Variants in CSGALNACT1 observed in about 807,000 individuals in gnomAD.
The protein encoded by CSGALNACT1 is beta4GalNAcT-1.
A neutral mutation model predicts 51.0 loss-of-function variants in CSGALNACT1; 52 were observed. That is an observed-to-expected ratio of 1.02 (90% confidence interval 0.82 to 1.29). The LOEUF is 1.29. CSGALNACT1 is among the 50% of genes most tolerant of loss of function. CSGALNACT1 has a pLI of 0.00. For synonymous variants in CSGALNACT1, 341 were observed against 254.4 expected (o/e 1.34, Z -3.24); for missense variants, 935 against 679.2 (o/e 1.38, Z -4.19).
rs766636527 is a variant in CSGALNACT1, at chr8:19,757,445, C to G, written c.-297+405G>C. 1 of 152,442 alleles carries G rather than the reference C, an allele frequency of 6.6e-6. No individual in the cohort carries two copies. The highest frequency in any genetic ancestry group is 6.6e-5 in the Admixed American group (1 of 15,250). The allele number at this position is 152,442 out of a possible 1,614,324, so 9.4% of individuals were successfully genotyped here. On this transcript the variant is annotated intron_variant, in intron 1 of 1. Coordinates refer to the CSGALNACT1 transcript ENST00000517494. The surrounding 1 kb of genome is among the most constrained non-coding windows in gnomAD (Gnocchi z 4.0). ...GCCGGGCTGGGGTCGCGGTTGGCCG[C>G]GTACCTCCGCGTCACCCACGGCCTC...
At chr8:19,481,287 C>G (rs1212013119) in intron 4 of CSGALNACT1, among the ~76,000 whole-genome samples, 2 of 152,126 alleles carry the variant, frequency 1.3e-5, no homozygotes, top group African/African-American at 2.4e-5. Flanking sequence ...GCCCCATACT[C>G]CTGGTTGGCA....
intron 1 of CSGALNACT1, among the ~76,000 whole-genome samples, chr8:19,717,430 T>C (rs2062871558): frequency 6.6e-6 from 1 of 152,126 alleles, no homozygotes; most frequent in African/African-American, 2.4e-5. Context: ...CTTAGGAAGG[T>C]GGTAGACAAG....
chr8:19,562,128 AC>A (rs1277620680), intron 3 of CSGALNACT1, among the ~76,000 whole-genome samples: 1 of 151,900 alleles, frequency 6.6e-6, no homozygotes, highest in Non-Finnish European at 1.5e-5. Flanking sequence ...CCATCCTGCC[AC>A]CCCCACAGAC....
At chr8:19,508,602 G>T (rs1020370599) in intron 3 of CSGALNACT1, among the ~76,000 whole-genome samples, 2 of 151,982 alleles carry the variant, frequency 1.3e-5, no homozygotes, top group African/African-American at 4.8e-5. Context: ...TTATATCCAA[G>T]AATTAAATTA....
chr8:19,611,922 A>G (rs2052323935), intron 1 of CSGALNACT1, among the ~76,000 whole-genome samples: 1 of 151,880 alleles, frequency 6.6e-6, no homozygotes, highest in African/African-American at 2.4e-5. Context: ...TCCTGCTTGG[A>G]TCTGTTGCCT....
At chr8:19,571,158 T>C (rs1024210096) in intron 3 of CSGALNACT1, among the ~76,000 whole-genome samples, 4 of 152,180 alleles carry the variant, frequency 2.6e-5, no homozygotes, top group East Asian at 1.9e-4. Flanking sequence ...TTTGTAAAGA[T>C]GAGGTTTTGC....
intron 1 of CSGALNACT1, among the ~76,000 whole-genome samples, chr8:19,620,173 G>A (rs1380662888): frequency 6.6e-6 from 1 of 151,940 alleles, no homozygotes; most frequent in East Asian, 1.9e-4. Flanking sequence ...AAATTAGCCA[G>A]GAGTTGAGGT....
chr8:19,479,086 T>G (rs756703890), intron 4 of CSGALNACT1, among the ~76,000 whole-genome samples: 14 of 152,246 alleles, frequency 9.2e-5, no homozygotes, highest in Non-Finnish European at 1.6e-4. Context: ...ACTGCTATTA[T>G]GATACATGCA....
At chr8:19,474,911 A>G (rs528323428) in intron 4 of CSGALNACT1, among the ~76,000 whole-genome samples, 1 of 150,876 alleles carries the variant, frequency 6.6e-6, no homozygotes, top group East Asian at 2.0e-4. Flanking sequence ...AGCAACTTCC[A>G]TTTTTGGTAA....
chr8:19,659,085 C>T (rs1357916864), intron 1 of CSGALNACT1, among the ~76,000 whole-genome samples: 1 of 149,914 alleles, frequency 6.7e-6, no homozygotes, highest in African/African-American at 2.4e-5. Context: ...CACCACCTTA[C>T]ATGTCTTTAC....
At chr8:19,735,995 TC>T in intron 1 of CSGALNACT1, among the ~76,000 whole-genome samples, 1 of 152,332 alleles carries the variant, frequency 6.6e-6, no homozygotes, top group South Asian at 2.1e-4. Context: ...TATGGGTATT[TC>T]ACATTCAATC....
intron 1 of CSGALNACT1, among the ~76,000 whole-genome samples, chr8:19,755,159 T>C (rs1361587195): frequency 6.6e-6 from 1 of 152,176 alleles, no homozygotes; most frequent in Non-Finnish European, 1.5e-5. Flanking sequence ...TTCTTTTTAA[T>C]GTAATAACAT....
intron 4 of CSGALNACT1, among the ~76,000 whole-genome samples, chr8:19,484,869 G>C (rs1419046142): frequency 6.6e-6 from 1 of 152,130 alleles, no homozygotes; most frequent in East Asian, 1.9e-4. Context: ...ACACAGGAGA[G>C]ACACCAGAGA....
chr8:19,596,810 T>A (rs576483770), intron 2 of CSGALNACT1, among the ~76,000 whole-genome samples: 3 of 152,200 alleles, frequency 2.0e-5, no homozygotes, highest in Non-Finnish European at 4.4e-5. Context: ...CACTTTGACT[T>A]TTTATTTTTA....
chr8:19,638,690 C>A (rs376765794), intron 1 of CSGALNACT1, among the ~76,000 whole-genome samples: 5 of 152,034 alleles, frequency 3.3e-5, no homozygotes, highest in South Asian at 4.1e-4. Flanking sequence ...TAAGTGAGAA[C>A]AGAACGGGAA....
At chr8:19,526,456 G>A (rs1441021397) in intron 3 of CSGALNACT1, among the ~76,000 whole-genome samples, 2 of 152,136 alleles carry the variant, frequency 1.3e-5, no homozygotes, top group African/African-American at 2.4e-5. Context: ...GGTGGTACGC[G>A]CCTGTAGTGC....
At chr8:19,437,624 T>C (rs1467580020) in intron 6 of CSGALNACT1, among the ~76,000 whole-genome samples, 1 of 152,220 alleles carries the variant, frequency 6.6e-6, no homozygotes, top group Non-Finnish European at 1.5e-5. Context: ...TTATTTATTT[T>C]ATTCCCTATG....
chr8:19,604,656 C>T (rs1411929674), upstream of CSGALNACT1, among the ~76,000 whole-genome samples: 1 of 151,586 alleles, frequency 6.6e-6, no homozygotes, highest in Non-Finnish European at 1.5e-5. Flanking sequence ...GCGTGTAATC[C>T]CAGCACTTTG....
rs374995267 is a variant in CSGALNACT1 at position 19,536,798 on chromosome 8, G to C, written c.-296-30668C>G. ...AGCAGTTGAGACTGGCAGAAGTAGT[G>C]GCAGAGAGATAGATATACAGAACAA... On this transcript the variant is annotated intron_variant, in intron 3 of 9. Transcript: ENST00000454498. Among the ~76,000 whole-genome samples the C allele has an allele frequency of 2.2e-4, 33 of 152,286 alleles. No homozygotes were observed. The East Asian group carries it at 5.2e-3, about 24-fold the overall frequency.
Sources: gnomAD v4.1 joint callset for allele counts (sites outside exome capture counted in the v4.1 genomes callset) on GRCh38, gnomAD v4.1.1 for gene constraint, Gnocchi (gnomAD v3.1) non-coding constraint, MANE v1.5 for transcripts, NCBI Gene and HGNC (gene_info 2026-07-23, HGNC 2026-07-21) for gene names.